Variants in SYNRG observed in about 807,000 individuals in gnomAD.
The protein encoded by SYNRG is synergin gamma, also known as AP1 gamma subunit binding protein 1.
A neutral mutation model predicts 130.9 loss-of-function variants in SYNRG; 37 were observed. That is an observed-to-expected ratio of 0.28 (90% CI 0.22 to 0.37). SYNRG has a LOEUF of 0.37. Ranked by LOEUF, SYNRG falls within the 10% of genes least tolerant of loss-of-function variation. The pLI, the probability that SYNRG is intolerant of heterozygous loss-of-function variation, is 1.00. For synonymous variants in SYNRG, 539 were observed against 568.1 expected (o/e 0.95, Z 0.73); for missense variants, 1,338 against 1,588.9 (o/e 0.84, Z 2.68).
intron 9 of SYNRG, among the ~76,000 whole-genome samples, chr17:37,571,532 A>C (rs1248789842): frequency 6.6e-6 from 1 of 152,206 alleles, no homozygotes; most frequent in Admixed American, 6.5e-5. Flanking sequence ...CAGTGAGCTG[A>C]GATCTCGCCA....
chr17:37,561,227 T>C lies in SYNRG; in HGVS notation c.1631A>G (p.Glu544Gly), dbSNP rs2059507780. 1 of 1,613,892 alleles carries C rather than the reference T, an allele frequency of 6.2e-7. No individual in the cohort carries two copies. Among genetic ancestry groups the C allele is most frequent in the African/African-American group, 1.3e-5 (1 of 75,002 alleles). Residue 544 changes from glutamate to glycine, a missense_variant, in exon 13 of 22, where the codon GAA (glutamate) becomes GGA (glycine). This residue lies in a region of SYNRG where 1,146 missense variants were observed against 1,342.3 expected (regional missense o/e 0.85). Coordinates refer to ENST00000612223, the MANE Select transcript of SYNRG (RefSeq NM_007247.6). ...DPGDKYSAFR[E>G]LEQTAENKPL... ...TTTATTCTCTGCTGTCTGTTCAAGT[T>C]CTCTGAAAGCACTATATTTATCACC... is the stretch of plus-strand genomic sequence containing the variant.
intron 13 of SYNRG, among the ~76,000 whole-genome samples, chr17:37,559,707 T>C (rs2059384353): frequency 6.6e-6 from 1 of 152,120 alleles, no homozygotes; most frequent in Non-Finnish European, 1.5e-5. Flanking sequence ...AAAAGACTAG[T>C]TGCTGCCTTT....
At position 37,577,923 on chromosome 17, in the gene SYNRG, C is replaced by T. The variant is rs144899805; in HGVS notation, c.590-310G>A. On this transcript the variant is annotated intron_variant, in intron 6 of 21. Transcript: ENST00000612223. ...CCATGTTAGACAGGCTGGTCTCGAA[C>T]TCCTGACCTGAGGTGATCTACCCAC... 1.1e-3 allele frequency among the ~76,000 whole-genome samples: 165 copies of T among 151,420 alleles called. 1 individual carries two copies. Among genetic ancestry groups the T allele is most frequent in the Admixed American group, 4.6e-3 (70 of 15,236 alleles).
Position 37,518,271 on chromosome 17 carries a change from G to A in SYNRG, c.*669C>T, listed in dbSNP as rs1253000453. On this transcript the variant is annotated 3_prime_UTR_variant, in exon 22 of 22. Coordinates refer to ENST00000612223, the MANE Select transcript of SYNRG (RefSeq NM_007247.6). ...ACAGGATTTGGGCCTCTGTCAAAAT[G>A]AGCATTCTTCACGGCTGCAGAGTGC... 1 of 152,234 alleles carries A rather than the reference G, an allele frequency of 6.6e-6. No individual in the cohort carries two copies. Among genetic ancestry groups the A allele is most frequent in the African/African-American group, 2.4e-5 (1 of 41,454 alleles). 9.4% of individuals were successfully genotyped at this position (152,234 alleles called of 1,614,324 possible).
chr17:37,569,925 A>C (rs2060291891), intron 10 of SYNRG, among the ~76,000 whole-genome samples: 1 of 152,158 alleles, frequency 6.6e-6, no homozygotes, highest in Non-Finnish European at 1.5e-5. Flanking sequence ...GTACATGTAG[A>C]TCTATCTCAT....
intron 19 of SYNRG, among the ~76,000 whole-genome samples, chr17:37,527,548 T>C (rs2056089879): frequency 6.6e-6 from 1 of 152,122 alleles, no homozygotes; most frequent in Non-Finnish European, 1.5e-5. Flanking sequence ...TCCACATCTG[T>C]GGGTTCAACC....
At chr17:37,609,206 T>C in intron 1 of SYNRG, 73 bp downstream of exon 1, 31 of 1,350,202 alleles carry the variant, frequency 2.3e-5, no homozygotes, top group Non-Finnish European at 3.0e-5. Context: ...TGGAGAAAAC[T>C]GCCATAACTG....
In SYNRG at chr17:37,520,539, C is replaced by G; in HGVS notation, c.3776G>C (p.Arg1259Pro). 1 of 1,613,988 alleles carries G rather than the reference C, an allele frequency of 6.2e-7. No individual in the cohort carries two copies. Among genetic ancestry groups the G allele is most frequent in the Non-Finnish European group, 8.5e-7 (1 of 1,179,928 alleles). ...CTGCAAGGAGGCTGCGTGACTTACCCGGCTCCTCGAGTCCACATTCAAGAG... is the reference window on the plus strand; with the variant it reads ...CTGCAAGGAGGCTGCGTGACTTACCGGGCTCCTCGAGTCCACATTCAAGAG... Reference protein sequence around the residue: ...VCLLNVDSRSRKEEKPAEEHP... With the variant: ...VCLLNVDSRSPKEEKPAEEHP... Residue 1259 changes from arginine to proline, a missense_variant and splice_region_variant, in exon 20 of 22, where the codon CGG becomes CCG. Arg to Pro is a moderately radical substitution (Grantham distance 103). Around this residue, in one of 3 missense-constraint regions of SYNRG, gnomAD observed 1,146 missense variants for 1,342.3 expected, o/e 0.85. Transcript: ENST00000612223.
intron 11 of SYNRG, among the ~76,000 whole-genome samples, chr17:37,564,516 C>T (rs889289307): frequency 1.1e-4 from 16 of 152,216 alleles, no homozygotes; most frequent in Non-Finnish European, 2.4e-4. Context: ...TAGAGTATGT[C>T]ATAAGTCATA....
At chr17:37,537,651 G>T (rs1054253782) in intron 18 of SYNRG, among the ~76,000 whole-genome samples, 6 of 151,994 alleles carry the variant, frequency 3.9e-5, no homozygotes, top group African/African-American at 1.2e-4. Flanking sequence ...GAAAAGAAAA[G>T]AATAATAAGT....
At chr17:37,525,771 G>T (rs62076708) in intron 19 of SYNRG, among the ~76,000 whole-genome samples, 5,607 of 152,260 alleles carry the variant, frequency 0.037, 139 homozygotes, top group Non-Finnish European at 0.056. Flanking sequence ...TTGGAGACCA[G>T]CCTGGCCAAC....
chr17:37,599,460 C>T (rs977559425), intron 2 of SYNRG, among the ~76,000 whole-genome samples: 1 of 152,212 alleles, frequency 6.6e-6, no homozygotes, highest in African/African-American at 2.4e-5. Flanking sequence ...GTGGCTCATG[C>T]CTGTAATCCC....
intron 3 of SYNRG, among the ~76,000 whole-genome samples, chr17:37,594,210 TATTA>T (rs1196884355): frequency 1.6e-4 from 21 of 133,842 alleles, no homozygotes; most frequent in Admixed American, 1.4e-3. Flanking sequence ...TTAATTACAA[TATTA>T]ATTATTTTAA....
At chr17:37,591,834 A>T (rs2062219795) in intron 3 of SYNRG, among the ~76,000 whole-genome samples, 1 of 152,240 alleles carries the variant, frequency 6.6e-6, no homozygotes, top group South Asian at 2.1e-4. Flanking sequence ...CACGGACTTA[A>T]ATTAAAACTA....
intron 19 of SYNRG, among the ~76,000 whole-genome samples, chr17:37,521,657 T>C (rs992956451): frequency 1.3e-5 from 2 of 152,060 alleles, no homozygotes; most frequent in Non-Finnish European, 2.9e-5. Flanking sequence ...AGGCAATGAA[T>C]TGGGGGTGGC....
rs1568325740 is a variant in SYNRG at position 37,542,305 on chromosome 17, G to C, written c.2869C>G (p.Pro957Ala). Residue 957 changes from proline to alanine, a missense_variant, in exon 15 of 22, where the codon CCA becomes GCA. Physicochemically the swap from Pro to Ala is conservative, Grantham distance 27 (BLOSUM62 -1). Around this residue, in one of 3 missense-constraint regions of SYNRG, gnomAD observed 1,146 missense variants for 1,342.3 expected, o/e 0.85. Transcript: ENST00000612223. Reference protein sequence around the residue: ...VTTFVSEDALPETTFPALASF... With the variant: ...VTTFVSEDALAETTFPALASF... The stretch of plus-strand genomic sequence containing the variant: ...GCAAGAGCTGGGAAGGTGGTCTCTG[G>C]AAGAGCATCTTCACTTACAAAGGTC... The C allele has an allele frequency of 6.2e-7, 1 of 1,614,196 alleles. No homozygotes were observed. The highest frequency in any genetic ancestry group is 8.5e-7 in the Non-Finnish European group (1 of 1,180,038).
intron 1 of SYNRG, among the ~76,000 whole-genome samples, chr17:37,601,993 G>A (rs566378143): frequency 6.6e-6 from 1 of 152,040 alleles, no homozygotes; most frequent in East Asian, 1.9e-4. Context: ...TTAAGCCTGG[G>A]CGACAGAGTG....
At chr17:37,550,614 G>T (rs2058635692) in intron 14 of SYNRG, among the ~76,000 whole-genome samples, 1 of 151,586 alleles carries the variant, frequency 6.6e-6, no homozygotes. Flanking sequence ...ATCAGTATTT[G>T]CAGAGGAATA....
Position 37,609,381 on chromosome 17 carries a change from C to T in SYNRG, c.-26G>A, listed in dbSNP as rs765988419. On this transcript the variant is annotated 5_prime_UTR_variant, in exon 1 of 22. Transcript: ENST00000612223. ...CTTGCTCCCGACCTGCCGCTGCCTT[C>T]GCCGCCGCCACCTTATCAGCAGCTG... The T allele has an allele frequency of 1.4e-6, 2 of 1,405,950 alleles. No individual in the cohort carries two copies. The highest frequency in any genetic ancestry group is 1.5e-5 in the African/African-American group (1 of 66,610). 87.1% of individuals were successfully genotyped at this position (1,405,950 alleles called of 1,614,324 possible). A position where few individuals can be genotyped will look rare whatever the true frequency, so the allele number is the denominator to read the frequency against.
Sources: gnomAD v4.1 joint callset for allele counts (sites outside exome capture counted in the v4.1 genomes callset) on GRCh38, gnomAD v4.1.1 for gene constraint, gnomAD v4.1.1 regional missense constraint, MANE v1.5 for transcripts, NCBI Gene and HGNC (gene_info 2026-07-23, HGNC 2026-07-21) for gene names.